Variants in NEU1 observed in about 807,000 individuals in gnomAD.
NEU1 encodes neuraminidase 1.
NEU1 carries 32 observed loss-of-function variants against 38.3 expected under a neutral mutation model. The observed-to-expected ratio is 0.84, with a 90% CI of 0.63 to 1.12. The LOEUF is 1.12. NEU1 is among the 50% of genes most tolerant of loss of function. NEU1 has a pLI of 0.00. For synonymous variants in NEU1, 192 were observed against 225.2 expected, an observed-to-expected ratio of 0.85 and a Z score of 1.32; for missense variants, 431 against 549.2, an observed-to-expected ratio of 0.78 and a Z score of 2.15.
intron 2 of NEU1, 117 bp from the exon 3 acceptor site, chr6:31,861,567 G>A: frequency 7.6e-7 from 1 of 1,315,540 alleles, no homozygotes; most frequent in South Asian, 1.2e-5. Context: ...TGGTCCCAGG[G>A]TGCAATCCAA....
chr6:31,860,465 T>A lies in NEU1; in HGVS notation c.772A>T (p.Asn258Tyr). The A allele has an allele frequency of 6.2e-7, 1 of 1,613,990 alleles. No individual in the cohort carries two copies. Among genetic ancestry groups the A allele is most frequent in the Non-Finnish European group, 8.5e-7 (1 of 1,179,982 alleles). Reference protein sequence around the residue: ...GIPYGQPKQENDFNPDECQPY... With the variant: ...GIPYGQPKQEYDFNPDECQPY... ...TGGCATTCATCAGGATTGAAATCAT[T>A]TTCCTGCTTGGGCTGACCGTAGGGG... The change falls in exon 4 of 6, where the codon AAT becomes TAT. Residue 258 changes from asparagine (N) to tyrosine (Y), a missense_variant. Transcript: ENST00000375631. The surrounding 1 kb of genome is among the most constrained non-coding windows in gnomAD (Gnocchi z 4.8).
In NEU1 at chr6:31,860,212, T is replaced by C; in HGVS notation, c.851A>G (p.Asn284Ser). Residue 284 changes from asparagine (N) to serine (S), a missense_variant, in exon 5 of 6, where the codon AAC (asparagine) becomes AGC (serine). Transcript: ENST00000375631. The surrounding 1 kb of genome is among the most constrained non-coding windows in gnomAD (Gnocchi z 4.8). ...GACAATTCGGCAGTGGCAGTGGTAG[T>C]TGTTCTGGTTTCGGGCATTGATGAC... ...SVVINARNQNNYHCHCRIVLR... is the reference protein window; with the variant it reads ...SVVINARNQNSYHCHCRIVLR... 1.9e-6 allele frequency: 3 copies of C among 1,612,696 alleles called. No homozygotes were observed. The highest frequency in any genetic ancestry group is 2.5e-6 in the Non-Finnish European group (3 of 1,179,918).
rs200030183 is a variant in NEU1, at chr6:31,861,180, A to T, written c.615+8T>A. 1.4e-5 allele frequency: 22 copies of T among 1,611,262 alleles called. No homozygotes were observed. The highest frequency in any genetic ancestry group is 1.9e-5 in the Non-Finnish European group (22 of 1,179,994). ...CAGCCCCCTCCACCTATCTCCTAGG[A>T]CAGAGACCTGAATACCAGAGCCCGG... On this transcript the variant is annotated splice_region_variant and intron_variant, in intron 3 of 5. Transcript: ENST00000375631.
At position 31,862,093 on chromosome 6, in the gene NEU1, C is replaced by A. The variant is rs1762542422; in HGVS notation, c.258G>T (p.Pro86=). 6.2e-7 allele frequency: 1 copy of A among 1,612,978 alleles called. No individual in the cohort carries two copies. Among genetic ancestry groups the A allele is most frequent in the African/African-American group, 1.3e-5 (1 of 74,920 alleles). Residue 86 remains proline, a synonymous_variant, in exon 2 of 6, where the codon CCG becomes CCT. Transcript: ENST00000375631. This position sits in a 1 kb window ranked among gnomAD's most constrained non-coding sequence, Gnocchi z 6.3. Reference sequence around the variant, plus strand: ...CAGCAAAGGCGAGAAGAGTGCCCCGCGGAGTGGCTGTGATGAGCGGGATGC... The same window carrying A: ...CAGCAAAGGCGAGAAGAGTGCCCCGAGGAGTGGCTGTGATGAGCGGGATGC... ...TFRIPLITAT[P]RGTLLAFAEA... is the part of the protein sequence containing the mutation.
chr6:31,861,742 T>C, intron 2 of NEU1: 1 of 619,710 alleles, frequency 1.6e-6, no homozygotes, highest in Non-Finnish European at 2.8e-6. Context: ...TTCGTGGCTA[T>C]ATTCATGAAA....
chr6:31,862,182 G>T lies in NEU1; in HGVS notation c.169C>A (p.Leu57Met). The T allele has an allele frequency of 6.2e-7, 1 of 1,612,858 alleles. No homozygotes were observed. Among genetic ancestry groups the T allele is most frequent in the South Asian group, 1.1e-5 (1 of 91,076 alleles). ...AENDFGLVQP[L>M]VTMEQLLWVS... The stretch of plus-strand genomic sequence containing the variant: ...CACAGCAGTTGCTCCATGGTCACCA[G>T]CGGCTGCACCTGTCATGGGAGGAGG... Residue 57 changes from leucine to methionine, a missense_variant, in exon 2 of 6, where the codon CTG becomes ATG. Leu to Met is a conservative substitution (Grantham distance 15). Transcript: ENST00000375631. This position sits in a 1 kb window ranked among gnomAD's most constrained non-coding sequence, Gnocchi z 6.3.
At position 31,862,566 on chromosome 6, in the gene NEU1, GT is replaced by G; in HGVS notation, c.159+51del. The G allele has an allele frequency of 1.2e-6, 2 of 1,612,396 alleles. No individual in the cohort carries two copies. Among genetic ancestry groups the G allele is most frequent in the Non-Finnish European group, 1.7e-6 (2 of 1,179,436 alleles). On this transcript the variant is annotated intron_variant, in intron 1 of 5. Coordinates refer to ENST00000375631, the MANE Select transcript of NEU1 (RefSeq NM_000434.4). The surrounding 1 kb of genome is among the most constrained non-coding windows in gnomAD (Gnocchi z 6.3). ...CCGCCCGCGTTCCGGGGGACACTAG[GT>G]GTCGATCACCTGCGCGGGTCGGGGA...
At chr6:31,861,907 T>C (rs1402286839) in intron 2 of NEU1, 92 bp downstream of exon 2, 1 of 1,440,618 alleles carries the variant, frequency 6.9e-7, no homozygotes, top group Non-Finnish European at 9.7e-7. Context: ...CAACCAACCC[T>C]CTAAGTTCCC....
rs1366747900 is a variant in NEU1 at position 31,859,602 on chromosome 6, C to T, written c.*117G>A. 1 of 1,031,844 alleles carries T rather than the reference C, an allele frequency of 9.7e-7. No individual in the cohort carries two copies. The highest frequency in any genetic ancestry group is 1.5e-6 in the Non-Finnish European group (1 of 677,578). 63.9% of individuals were successfully genotyped at this position (1,031,844 alleles called of 1,614,324 possible). A position where few individuals can be genotyped will look rare whatever the true frequency, so the allele number is the denominator to read the frequency against. On this transcript the variant is annotated 3_prime_UTR_variant, in exon 6 of 6. Transcript: ENST00000375631. ...TAAAGGGAAGGTGATTTTGCCAAGG[C>T]TGGAGTCTAAAGGAAGATGGAACTG...
rs1762414913 is a variant in NEU1 at position 31,859,414 on chromosome 6, A to G, written c.*305T>C. On this transcript the variant is annotated 3_prime_UTR_variant, in exon 6 of 6. Transcript: ENST00000375631. ...TCACATTGATTCAATTCTACAGCTC[A>G]CTAGACCTGCCCAAGACAGGACCAA... 2 of 531,244 alleles carry G rather than the reference A, an allele frequency of 3.8e-6. No individual in the cohort carries two copies. The highest frequency in any genetic ancestry group is 2.0e-5 in the South Asian group (1 of 49,452). The allele number at this position is 531,244 out of a possible 1,614,324, so 32.9% of individuals were successfully genotyped here. A position where few individuals can be genotyped will look rare whatever the true frequency, so the allele number is the denominator to read the frequency against.
chr6:31,862,329 G>T lies in NEU1; in HGVS notation c.160-138C>A. On this transcript the variant is annotated intron_variant, in intron 1 of 5. Transcript: ENST00000375631. This position sits in a 1 kb window ranked among gnomAD's most constrained non-coding sequence, Gnocchi z 6.3. Reference sequence around the variant, plus strand: ...GTCCCAGAACAAGAAAGAGGAACACGAAGGGGAGTTTGGAGCGAAGCTGGA... The same window carrying T: ...GTCCCAGAACAAGAAAGAGGAACACTAAGGGGAGTTTGGAGCGAAGCTGGA... 1 of 1,046,282 alleles carries T rather than the reference G, an allele frequency of 9.6e-7. No individual in the cohort carries two copies. The highest frequency in any genetic ancestry group is 1.4e-6 in the Non-Finnish European group (1 of 696,168). 64.8% of individuals were successfully genotyped at this position (1,046,282 alleles called of 1,614,324 possible).
rs1333262560 is a variant in NEU1, at chr6:31,859,217, C to T, written c.*502G>A. 3.9e-6 allele frequency: 1 copy of T among 253,938 alleles called. No homozygotes were observed. The highest frequency in any genetic ancestry group is 9.4e-5 in the East Asian group (1 of 10,668). 15.7% of individuals were successfully genotyped at this position (253,938 alleles called of 1,614,324 possible). ...AGAGACTCTACAAATATTCATTATC[C>T]TTCATTAAAAATTTTAAGTTACAAA... On this transcript the variant is annotated 3_prime_UTR_variant, in exon 6 of 6. Coordinates refer to ENST00000375631, the MANE Select transcript of NEU1 (RefSeq NM_000434.4).
At position 31,861,724 on chromosome 6, in the gene NEU1, C is replaced by T. The variant is rs987608373; in HGVS notation, c.353-274G>A. On this transcript the variant is annotated intron_variant, in intron 2 of 5. Transcript: ENST00000375631. ...AATCCTGAGGGCAGAGATTTTTGAT[C>T]TGTTTTGTTCGTGGCTATATTCATG... The T allele has an allele frequency of 2.6e-5, 16 of 619,304 alleles. No individual in the cohort carries two copies. In the African/African-American group the frequency reaches 2.8e-4, roughly 11 times the overall value. The allele number at this position is 619,304 out of a possible 1,614,324, so 38.4% of individuals were successfully genotyped here. A position where few individuals can be genotyped will look rare whatever the true frequency, so the allele number is the denominator to read the frequency against.
rs1175679946 is a variant in NEU1, at chr6:31,862,183, C to A, written c.168G>T (p.Pro56=). 1 of 1,612,792 alleles carries A rather than the reference C, an allele frequency of 6.2e-7. No individual in the cohort carries two copies. Among genetic ancestry groups the A allele is most frequent in the East Asian group, 2.2e-5 (1 of 44,892 alleles). Residue 56 remains proline, a synonymous_variant, in exon 2 of 6, where the codon CCG becomes CCT. Transcript: ENST00000375631. The surrounding 1 kb of genome is among the most constrained non-coding windows in gnomAD (Gnocchi z 6.3). ...ACAGCAGTTGCTCCATGGTCACCAG[C>A]GGCTGCACCTGTCATGGGAGGAGGA... ...KAENDFGLVQ[P]LVTMEQLLWV... is the part of the protein sequence containing the mutation.
Position 31,860,639 on chromosome 6 carries a change from G to C in NEU1, c.616-18C>G, listed in dbSNP as rs1278282958. The C allele has an allele frequency of 6.2e-7, 1 of 1,612,656 alleles. No individual in the cohort carries two copies. The highest frequency in any genetic ancestry group is 8.5e-7 in the Non-Finnish European group (1 of 1,179,962). On this transcript the variant is annotated intron_variant, in intron 3 of 5. Transcript: ENST00000375631. The surrounding 1 kb of genome is among the most constrained non-coding windows in gnomAD (Gnocchi z 4.8). ...CGCTGTTTCTGTGGGAAAGGGAACTGGGTGTCACAGAAGGAGACTCTAGGG... is the reference window on the plus strand; with the variant it reads ...CGCTGTTTCTGTGGGAAAGGGAACTCGGTGTCACAGAAGGAGACTCTAGGG...
In NEU1 at chr6:31,860,170, G is replaced by C. The variant is rs104893981; in HGVS notation, c.893C>G (p.Ala298Gly). Reference sequence around the variant, plus strand: ...ATCACGGGGCCTTAGTGTATCACAGGCATCATAGCTGCGGAGGACAATTCG... The same window carrying C: ...ATCACGGGGCCTTAGTGTATCACAGCCATCATAGCTGCGGAGGACAATTCG... ...HCRIVLRSYD[A>G]CDTLRPRDVT... is the part of the protein sequence containing the mutation. Residue 298 changes from alanine (A) to glycine (G), a missense_variant, in exon 5 of 6, where the codon GCC (alanine) becomes GGC (glycine). By Grantham distance (60) the Ala-to-Gly change is moderately conservative. Coordinates refer to ENST00000375631, the MANE Select transcript of NEU1 (RefSeq NM_000434.4). This position sits in a 1 kb window ranked among gnomAD's most constrained non-coding sequence, Gnocchi z 4.8. 3 of 1,613,016 alleles carry C rather than the reference G, an allele frequency of 1.9e-6. No individual in the cohort carries two copies. Among genetic ancestry groups the C allele is most frequent in the Non-Finnish European group, 2.5e-6 (3 of 1,180,008 alleles).
In NEU1 at chr6:31,861,161, C is replaced by T. The variant is rs759865445; in HGVS notation, c.615+27G>A. On this transcript the variant is annotated intron_variant, in intron 3 of 5. Coordinates refer to ENST00000375631, the MANE Select transcript of NEU1 (RefSeq NM_000434.4). Reference sequence around the variant, plus strand: ...CCTCAGACTCTCCACAAGGCAGCCCCCTCCACCTATCTCCTAGGACAGAGA... The same window carrying T: ...CCTCAGACTCTCCACAAGGCAGCCCTCTCCACCTATCTCCTAGGACAGAGA... 4 of 1,610,914 alleles carry T rather than the reference C, an allele frequency of 2.5e-6. No individual in the cohort carries two copies. The African/African-American group carries it at 5.3e-5, about 22-fold the overall frequency.
At chr6:31,861,943 T>G in intron 2 of NEU1, 56 bp downstream of exon 2, 2 of 1,597,180 alleles carry the variant, frequency 1.3e-6, no homozygotes, top group Non-Finnish European at 1.7e-6. Flanking sequence ...TTGGGCTCAT[T>G]GGGCTGCCCA....
rs896560681 is a variant in NEU1 at position 31,859,515 on chromosome 6, G to C, written c.*204C>G. ...GGAAAGACAGTATTCTCAGATGAGG[G>C]CAGGACTTTTTTGTGGGAGAGGACG... On this transcript the variant is annotated 3_prime_UTR_variant, in exon 6 of 6. Coordinates refer to ENST00000375631, the MANE Select transcript of NEU1 (RefSeq NM_000434.4). 2 of 668,756 alleles carry C rather than the reference G, an allele frequency of 3.0e-6. No homozygotes were observed. Among genetic ancestry groups the C allele is most frequent in the African/African-American group, 1.8e-5 (1 of 56,398 alleles). 41.4% of individuals were successfully genotyped at this position (668,756 alleles called of 1,614,324 possible).
Sources: allele counts gnomAD v4.1 joint callset, GRCh38; gene constraint gnomAD v4.1.1; non-coding constraint Gnocchi (gnomAD v3.1); transcripts MANE v1.5; gene names NCBI Gene and HGNC (gene_info 2026-07-23, HGNC 2026-07-21).